The following MDGA2 variants were observed in gnomAD, a reference collection of about 807,000 sequenced individuals.
MDGA2 encodes MAM domain containing glycosylphosphatidylinositol anchor 2, also known as MAM domain-containing glycosylphosphatidylinositol anchor protein 2.
In MDGA2, 40 loss-of-function variants were observed where a neutral mutation model predicts 117.8. The observed-to-expected ratio is 0.34, with a 90% confidence interval of 0.26 to 0.44. The LOEUF is 0.44. Ranked by LOEUF, MDGA2 falls within the 20% of genes least tolerant of loss-of-function variation. The pLI is 1.00. For synonymous variants in MDGA2, 452 were observed against 439.0 expected, an observed-to-expected ratio of 1.03 and a Z score of -0.37; for missense variants, 1,123 against 1,250.6, an observed-to-expected ratio of 0.90 and a Z score of 1.54.
intron 5 of MDGA2, among the ~76,000 whole-genome samples, chr14:47,106,101 T>C (rs1880657267): frequency 6.6e-6 from 1 of 152,048 alleles, no homozygotes; most frequent in Non-Finnish European, 1.5e-5. Context: ...CTTTTTTTCA[T>C]CAAATATAAA....
chr14:46,976,748 AT>A (rs1328101834), intron 8 of MDGA2, among the ~76,000 whole-genome samples: 5 of 151,952 alleles, frequency 3.3e-5, no homozygotes, highest in Non-Finnish European at 7.4e-5. Flanking sequence ...GTTATTTAAC[AT>A]ACTTTTTTTC....
chr14:47,119,181 C>G (rs776544662), intron 5 of MDGA2, among the ~76,000 whole-genome samples: 33,895 of 58,328 alleles, frequency 0.58, 12,629 homozygotes, highest in East Asian at 0.83. Flanking sequence ...CCCGCCCCCC[C>G]CCCCCCACCC....
chr14:46,901,195 A>AG (rs1418126923), intron 10 of MDGA2, among the ~76,000 whole-genome samples: 8 of 43,336 alleles, frequency 1.8e-4, no homozygotes, highest in African/African-American at 6.6e-4. Context: ...GGGTGGGGGG[A>AG]GGGGGGAGGG....
At chr14:47,172,138 G>A (rs1594691925) in intron 3 of MDGA2, among the ~76,000 whole-genome samples, 2 of 152,184 alleles carry the variant, frequency 1.3e-5, no homozygotes, top group African/African-American at 4.8e-5. Flanking sequence ...AAACAAAGCA[G>A]CCAGGAAGCT....
At chr14:47,429,573 C>G (rs1892758161) in intron 1 of MDGA2, among the ~76,000 whole-genome samples, 1 of 152,100 alleles carries the variant, frequency 6.6e-6, no homozygotes, top group Non-Finnish European at 1.5e-5. Flanking sequence ...TGTGACTTAT[C>G]AAATGCTGAA....
chr14:47,187,623 G>T (rs1884958870), intron 3 of MDGA2, among the ~76,000 whole-genome samples: 1 of 151,944 alleles, frequency 6.6e-6, no homozygotes, highest in African/African-American at 2.4e-5. Flanking sequence ...TATCCATTCT[G>T]CTATTAATAG....
At position 47,097,003 on chromosome 14, in the gene MDGA2, G is replaced by T. The variant is rs749875771; in HGVS notation, c.1046C>A (p.Ser349Tyr). The T allele has an allele frequency of 2.5e-6, 4 of 1,613,186 alleles. No individual in the cohort carries two copies. The African/African-American group carries it at 4.0e-5, about 16-fold the overall frequency. Residue 349 changes from serine (S) to tyrosine (Y), a missense_variant, in exon 6 of 17, where the codon TCC becomes TAC. Ser to Tyr is a moderately radical substitution (Grantham distance 144, BLOSUM62 -2). Transcript: ENST00000399232. ...EPAPSLTWVRSFGTLPEKTVL... is the reference protein window; with the variant it reads ...EPAPSLTWVRYFGTLPEKTVL... Reference sequence around the variant, plus strand: ...AGTCTTTTCAGGCAGAGTCCCAAAGGACCTGACCCAGGTGAGAGAAGGTGC... The same window carrying T: ...AGTCTTTTCAGGCAGAGTCCCAAAGTACCTGACCCAGGTGAGAGAAGGTGC...
intron 8 of MDGA2, among the ~76,000 whole-genome samples, chr14:46,998,291 GA>G (rs1249825911): frequency 1.3e-5 from 2 of 151,696 alleles, no homozygotes; most frequent in East Asian, 3.9e-4. Flanking sequence ...AAAAACAGAT[GA>G]AAAGAAAAAA....
intron 2 of MDGA2, among the ~76,000 whole-genome samples, chr14:47,229,407 C>T (rs1886613581): frequency 6.6e-6 from 1 of 152,056 alleles, no homozygotes; most frequent in Non-Finnish European, 1.5e-5. Context: ...GACTGTTTTT[C>T]TGTGAGACAG....
intron 8 of MDGA2, among the ~76,000 whole-genome samples, chr14:47,025,783 G>A (rs1888451305): frequency 6.6e-6 from 1 of 151,966 alleles, no homozygotes; most frequent in East Asian, 1.9e-4. Flanking sequence ...GGGACAATTA[G>A]CAGTAGCCAT....
At chr14:46,998,312 A>T (rs559960530) in intron 8 of MDGA2, among the ~76,000 whole-genome samples, 1 of 152,152 alleles carries the variant, frequency 6.6e-6, no homozygotes, top group South Asian at 2.1e-4. Flanking sequence ...ATAATAATTT[A>T]TCTGTCTATG....
intron 3 of MDGA2, among the ~76,000 whole-genome samples, chr14:47,206,331 C>T (rs1885681137): frequency 6.6e-6 from 1 of 151,956 alleles, no homozygotes; most frequent in Non-Finnish European, 1.5e-5. Context: ...TGGCTCATGC[C>T]TGTGATCCCA....
chr14:47,312,944 A>G (rs925943082), intron 1 of MDGA2, among the ~76,000 whole-genome samples: 1 of 148,734 alleles, frequency 6.7e-6, no homozygotes, highest in African/African-American at 2.4e-5. Flanking sequence ...ATATATATAA[A>G]CCTATTTTCT....
intron 2 of MDGA2, among the ~76,000 whole-genome samples, chr14:47,242,903 C>A (rs1325482956): frequency 6.6e-6 from 1 of 151,820 alleles, no homozygotes; most frequent in Non-Finnish European, 1.5e-5. Context: ...GCCAGCTGGG[C>A]TCCTGAGTCT....
intron 14 of MDGA2, among the ~76,000 whole-genome samples, chr14:46,858,436 T>C (rs1237960427): frequency 2.7e-5 from 4 of 145,808 alleles, no homozygotes; most frequent in East Asian, 2.0e-4. Flanking sequence ...TTCTTTTTTT[T>C]TTTTTTTTTG....
At chr14:46,958,276 A>G (rs1203437553) in intron 8 of MDGA2, among the ~76,000 whole-genome samples, 1 of 152,160 alleles carries the variant, frequency 6.6e-6, no homozygotes, top group Non-Finnish European at 1.5e-5. Flanking sequence ...GGGTACATAC[A>G]AAGGTACAAA....
intron 1 of MDGA2, among the ~76,000 whole-genome samples, chr14:47,371,895 A>T (rs1381857971): frequency 2.0e-5 from 3 of 151,836 alleles, no homozygotes; most frequent in Non-Finnish European, 4.4e-5. Context: ...CATTATAACT[A>T]ACCTTTTTTG....
At chr14:47,664,513 T>C (rs773557792) in intron 1 of MDGA2, among the ~76,000 whole-genome samples, 1 of 152,190 alleles carries the variant, frequency 6.6e-6, no homozygotes, top group Non-Finnish European at 1.5e-5. Context: ...CAGCCCACTC[T>C]CCTAAGAGTT....
chr14:47,176,913 G>A (rs1884480727), intron 3 of MDGA2, among the ~76,000 whole-genome samples: 1 of 152,090 alleles, frequency 6.6e-6, no homozygotes, highest in Admixed American at 6.5e-5. Flanking sequence ...CTGACAAAGG[G>A]CTAATGTCCA....
Sources: gnomAD v4.1 joint callset for allele counts (sites outside exome capture counted in the v4.1 genomes callset) on GRCh38, gnomAD v4.1.1 for gene constraint, MANE v1.5 for transcripts, NCBI Gene and HGNC (gene_info 2026-07-23, HGNC 2026-07-21) for gene names.